The following KCNH7 variants were observed in gnomAD, a reference collection of about 807,000 sequenced individuals.
KCNH7 encodes potassium voltage-gated channel subfamily H member 7.
In KCNH7, 49 loss-of-function variants were observed where a neutral mutation model predicts 120.8. That is an observed-to-expected ratio of 0.41 (90% CI 0.32 to 0.51). The LOEUF is 0.51. Among genes scored for constraint, KCNH7 ranks in the 20% least tolerant of loss-of-function variants. The probability of loss-of-function intolerance (pLI) is 0.38; values close to 1 mark genes in which losing one functional copy is unlikely to be tolerated. For synonymous variants in KCNH7, 547 were observed against 516.1 expected (o/e 1.06, Z -0.81); for missense variants, 1,097 against 1,446.6 (o/e 0.76, Z 3.92).
At chr2:162,496,399 G>A (rs144881951) in intron 6 of KCNH7, among the ~76,000 whole-genome samples, 260 of 152,152 alleles carry the variant, frequency 1.7e-3, no homozygotes, top group Middle Eastern at 0.01. Context: ...GCCCGCATGC[G>A]CACTGGGGGG....
At chr2:162,741,901 G>T (rs1688151426) in intron 2 of KCNH7, among the ~76,000 whole-genome samples, 1 of 152,104 alleles carries the variant, frequency 6.6e-6, no homozygotes, top group Non-Finnish European at 1.5e-5. Flanking sequence ...CTTTAAAGCA[G>T]TCATGTTTCC....
chr2:162,629,280 C>T (rs543085840), intron 2 of KCNH7, among the ~76,000 whole-genome samples: 3 of 152,106 alleles, frequency 2.0e-5, no homozygotes, highest in African/African-American at 4.8e-5. Context: ...CAGAGAATTG[C>T]GTAACAGAGC....
Position 162,742,122 on chromosome 2 carries a change from T to A in KCNH7, c.307+94415A>T, listed in dbSNP as rs190177073. On this transcript the variant is annotated intron_variant, in intron 2 of 15. Transcript: ENST00000332142. ...AAGACCACATCTCTAGATATTTGCC[T>A]TGTTGATTCTACCAGAAACACAGTT... 2.1e-3 allele frequency among the ~76,000 whole-genome samples: 314 copies of A among 152,308 alleles called. 3 individuals carry two copies. The highest frequency in any genetic ancestry group is 7.2e-3 in the African/African-American group (300 of 41,568).
intron 6 of KCNH7, among the ~76,000 whole-genome samples, chr2:162,479,705 T>TGTA: frequency 7.5e-6 from 1 of 133,564 alleles, no homozygotes; most frequent in East Asian, 2.2e-4. Context: ...GTGTGTGTGT[T>TGTA]GAGATGGCTG....
At chr2:162,803,943 C>G (rs541272625) in intron 2 of KCNH7, among the ~76,000 whole-genome samples, 1 of 151,594 alleles carries the variant, frequency 6.6e-6, no homozygotes, top group African/African-American at 2.4e-5. Flanking sequence ...AAGAAATGTA[C>G]TCCAAAGTAT....
intron 2 of KCNH7, among the ~76,000 whole-genome samples, chr2:162,639,001 C>T (rs1005060425): frequency 2.6e-5 from 4 of 152,224 alleles, no homozygotes; most frequent in Admixed American, 6.6e-5. Context: ...CTGTCTTGTG[C>T]ATTGTAGGAT....
At chr2:162,810,418 C>T (rs972870773) in intron 2 of KCNH7, among the ~76,000 whole-genome samples, 3 of 152,062 alleles carry the variant, frequency 2.0e-5, no homozygotes, top group East Asian at 1.9e-4. Context: ...GCAGAAATTC[C>T]GTCAGGAATT....
rs530469580 is a variant in KCNH7 at position 162,408,075 on chromosome 2, A to G, written c.2155-7634T>C. ...AATGCATTAGGAATTTTATTTGTAGAAGGACAAAGACTCCAAACTTACTCC... is the reference window on the plus strand; with the variant it reads ...AATGCATTAGGAATTTTATTTGTAGGAGGACAAAGACTCCAAACTTACTCC... On this transcript the variant is annotated intron_variant, in intron 9 of 15. Transcript: ENST00000332142. Among the ~76,000 whole-genome samples, 4 of 152,172 alleles carry G rather than the reference A, an allele frequency of 2.6e-5. No homozygotes were observed. The East Asian group carries it at 5.8e-4, about 22-fold the overall frequency.
At chr2:162,801,392 A>T (rs1414361192) in intron 2 of KCNH7, among the ~76,000 whole-genome samples, 1 of 151,758 alleles carries the variant, frequency 6.6e-6, no homozygotes, top group Non-Finnish European at 1.5e-5. Context: ...AAGTTGGAAT[A>T]AAAAAATTAG....
chr2:162,435,348 T>G lies in KCNH7; in HGVS notation c.1804A>C (p.Ser602Arg), dbSNP rs771584928. Reference sequence around the variant, plus strand: ...ATGGATGGTCCAGAACTTGAGTCACTGTCATTGTAACGTTTCCCAATTTGC... The same window carrying G: ...ATGGATGGTCCAGAACTTGAGTCACGGTCATTGTAACGTTTCCCAATTTGC... ...GQQIGKRYNDSDSSSGPSIKD... is the reference protein window; with the variant it reads ...GQQIGKRYNDRDSSSGPSIKD... The change falls in exon 8 of 16, where the codon AGT becomes CGT. Residue 602 changes from serine (S) to arginine (R), a missense_variant. By Grantham distance (110) the Ser-to-Arg change is moderately radical (BLOSUM62 -1). Around this residue, in one of 8 missense-constraint regions of KCNH7, gnomAD observed 36 missense variants for 46.8 expected, o/e 0.77. Transcript: ENST00000332142. The G allele has an allele frequency of 1.2e-6, 2 of 1,613,902 alleles. No homozygotes were observed. The highest frequency in any genetic ancestry group is 1.1e-5 in the South Asian group (1 of 91,082).
Position 162,739,242 on chromosome 2 carries a change from A to G in KCNH7, c.307+97295T>C, listed in dbSNP as rs148608980. On this transcript the variant is annotated intron_variant, in intron 2 of 15. Coordinates refer to ENST00000332142, the MANE Select transcript of KCNH7 (RefSeq NM_033272.4). ...TCTTACTCTAACTTTCCTTCTCACT[A>G]TATTCACCCTAGTCTTGAGGGCTAG... Among the ~76,000 whole-genome samples the G allele has an allele frequency of 1.8e-4, 27 of 152,098 alleles. 1 individual carries two copies. The highest frequency in any genetic ancestry group is 5.1e-4 in the African/African-American group (21 of 41,488).
At chr2:162,399,954 T>C (rs1158588851) in intron 10 of KCNH7, among the ~76,000 whole-genome samples, 2 of 151,916 alleles carry the variant, frequency 1.3e-5, no homozygotes, top group Non-Finnish European at 2.9e-5. Context: ...TGCCAAGAAC[T>C]GAAGAGAATC....
At chr2:162,433,638 T>A (rs1688142291) in intron 8 of KCNH7, among the ~76,000 whole-genome samples, 1 of 152,028 alleles carries the variant, frequency 6.6e-6, no homozygotes, top group Non-Finnish European at 1.5e-5. Context: ...TCAAGATGGA[T>A]TTAAGATTGG....
chr2:162,485,184 G>A (rs775778289), intron 6 of KCNH7, among the ~76,000 whole-genome samples: 8 of 152,016 alleles, frequency 5.3e-5, no homozygotes, highest in Non-Finnish European at 1.2e-4. Context: ...TAATTTTTTC[G>A]CTTCTCTACC....
Position 162,591,124 on chromosome 2 carries a change from C to A in KCNH7, c.308-54044G>T, listed in dbSNP as rs543538858. 1.3e-5 allele frequency among the ~76,000 whole-genome samples: 2 copies of A among 152,230 alleles called. 1 individual carries two copies. Among genetic ancestry groups the A allele is most frequent in the African/African-American group, 4.8e-5 (2 of 41,570 alleles). The stretch of plus-strand genomic sequence containing the variant: ...TCTCCACCTGTAAGGCTCAGCTAAA[C>A]CCTCTTCCCAGAGAAATCTTCCTTG... On this transcript the variant is annotated intron_variant, in intron 2 of 15. Transcript: ENST00000332142.
chr2:162,488,452 C>G (rs1690179691), intron 6 of KCNH7, among the ~76,000 whole-genome samples: 1 of 152,106 alleles, frequency 6.6e-6, no homozygotes, highest in Non-Finnish European at 1.5e-5. Context: ...TAGAAGGTAG[C>G]AAAGACCACC....
At chr2:162,517,493 G>C (rs192723181) in intron 4 of KCNH7, among the ~76,000 whole-genome samples, 2 of 151,844 alleles carry the variant, frequency 1.3e-5, no homozygotes, top group East Asian at 3.9e-4. Context: ...GGCAGATAAT[G>C]GTTATCATAC....
intron 2 of KCNH7, among the ~76,000 whole-genome samples, chr2:162,704,953 T>C (rs192716140): frequency 1.3e-5 from 2 of 152,304 alleles, no homozygotes; most frequent in East Asian, 3.9e-4. Flanking sequence ...TGGGTAAAAC[T>C]TAAAAGAAAT....
chr2:162,375,722 G>A (rs1686143959), intron 14 of KCNH7, among the ~76,000 whole-genome samples: 1 of 151,962 alleles, frequency 6.6e-6, no homozygotes. Context: ...GACCTCAGGA[G>A]TTTGAGACCA....
Sources: allele counts gnomAD v4.1 joint callset (sites outside exome capture counted in the v4.1 genomes callset), GRCh38; gene constraint gnomAD v4.1.1; regional missense constraint gnomAD v4.1.1; transcripts MANE v1.5; gene names NCBI Gene and HGNC (gene_info 2026-07-23, HGNC 2026-07-21).